Variants in NFATC2IP observed in about 807,000 individuals in gnomAD.
The protein encoded by NFATC2IP is NFATC2-interacting protein.
Under a neutral mutation model 40.2 loss-of-function variants are expected in NFATC2IP, and 25 were observed. That is an observed-to-expected ratio of 0.62 (90% CI 0.45 to 0.87). The LOEUF (loss-of-function observed/expected upper bound fraction) is 0.87, where lower values mean the gene tolerates loss of function less well. NFATC2IP is among the 40% of genes least tolerant of loss of function. NFATC2IP has a pLI of 0.00. For synonymous variants in NFATC2IP, 241 were observed against 236.3 expected (o/e 1.02, Z -0.18); for missense variants, 553 against 555.6 (o/e 1.00, Z 0.05).
At chr16:28,956,389 ATGG>A in intron 5 of NFATC2IP, 52 bp downstream of exon 5, 1 of 1,441,580 alleles carries the variant, frequency 6.9e-7, no homozygotes, top group Non-Finnish European at 9.6e-7. Context: ...TTCTGGAGAG[ATGG>A]TGGTGTCCAG....
Position 28,951,105 on chromosome 16 carries a change from C to T in NFATC2IP, c.94C>T (p.Pro32Ser). 1.3e-6 allele frequency: 2 copies of T among 1,544,004 alleles called. No individual in the cohort carries two copies. Among genetic ancestry groups the T allele is most frequent in the Non-Finnish European group, 1.7e-6 (2 of 1,143,448 alleles). ...CGGCTGGGGCGGTCGGGGCCGGCGT[C>T]CTCGGGCCCAGCGGTCTCCATCCCG... ...RGGWGGRGRR[P>S]RAQRSPSRGT... is the part of the protein sequence containing the mutation. The change falls in exon 1 of 8, where the codon CCT (proline) becomes TCT (serine). Residue 32 changes from proline (P) to serine (S), a missense_variant. By Grantham distance (74) the Pro-to-Ser change is moderately conservative. Coordinates refer to ENST00000320805, the MANE Select transcript of NFATC2IP (RefSeq NM_032815.4).
intron 7 of NFATC2IP, among the ~76,000 whole-genome samples, chr16:28,962,731 G>A (rs954792396): frequency 1.8e-4 from 27 of 152,194 alleles, no homozygotes; most frequent in African/African-American, 6.0e-4. Flanking sequence ...ACATCACGCA[G>A]TCCCTCAGGG....
chr16:28,956,080 G>C, intron 4 of NFATC2IP, 22 bp downstream of exon 4: 1 of 1,613,862 alleles, frequency 6.2e-7, no homozygotes, highest in Non-Finnish European at 8.5e-7. Context: ...AGGGGCTCTG[G>C]CTGGGATGGA....
At chr16:28,963,012 C>G (rs954085050) in intron 7 of NFATC2IP, among the ~76,000 whole-genome samples, 1 of 152,196 alleles carries the variant, frequency 6.6e-6, no homozygotes, top group Non-Finnish European at 1.5e-5. Flanking sequence ...GAGAAACTGT[C>G]TCTACCAAAA....
Position 28,965,242 on chromosome 16 carries a change from T to C in NFATC2IP, c.*1379T>C, listed in dbSNP as rs998705973. On this transcript the variant is annotated 3_prime_UTR_variant, in exon 8 of 8. Coordinates refer to ENST00000320805, the MANE Select transcript of NFATC2IP (RefSeq NM_032815.4). The stretch of plus-strand genomic sequence containing the variant: ...TTTCTCATGGAGTTTCTTATCTTTT[T>C]TGGTTTATTCTCAGGAGTTGCTTGT... 2 of 152,166 alleles carry C rather than the reference T, an allele frequency of 1.3e-5. No homozygotes were observed. Among genetic ancestry groups the C allele is most frequent in the Non-Finnish European group, 2.9e-5 (2 of 68,034 alleles). The allele number at this position is 152,166 out of a possible 1,614,324, so 9.4% of individuals were successfully genotyped here.
At chr16:28,956,407 G>A (rs949875353) in intron 5 of NFATC2IP, 70 bp downstream of exon 5, 7 of 1,224,006 alleles carry the variant, frequency 5.7e-6, no homozygotes, top group South Asian at 1.4e-5. Flanking sequence ...GTCCAGCAGG[G>A]GTGTCCTGGC....
chr16:28,955,842 G>A, intron 3 of NFATC2IP, 136 bp from the exon 4 acceptor site: 2 of 714,578 alleles, frequency 2.8e-6, no homozygotes, highest in Non-Finnish European at 4.8e-6. Flanking sequence ...TCCTGGCTCA[G>A]CCTCCAAAAG....
intron 3 of NFATC2IP, among the ~76,000 whole-genome samples, chr16:28,954,967 C>T (rs900493373): frequency 5.3e-5 from 8 of 152,076 alleles, no homozygotes; most frequent in Admixed American, 5.2e-4. Flanking sequence ...CTGTGCTTCT[C>T]TTTCTTCATC....
intron 7 of NFATC2IP, 101 bp downstream of exon 7, chr16:28,959,201 T>TG: frequency 1.4e-6 from 1 of 732,320 alleles, no homozygotes; most frequent in Non-Finnish European, 2.4e-6. Flanking sequence ...AATCTTGACT[T>TG]GCAGGAGACA....
At chr16:28,959,415 A>T (rs1022282642) in intron 7 of NFATC2IP, among the ~76,000 whole-genome samples, 2 of 152,150 alleles carry the variant, frequency 1.3e-5, no homozygotes, top group African/African-American at 4.8e-5. Context: ...CACACGGCTA[A>T]GTGCTAGTCC....
At position 28,963,988 on chromosome 16, in the gene NFATC2IP, T is replaced by A; in HGVS notation, c.*125T>A. 1.1e-6 allele frequency: 1 copy of A among 899,922 alleles called. No individual in the cohort carries two copies. Among genetic ancestry groups the A allele is most frequent in the Non-Finnish European group, 1.7e-6 (1 of 594,598 alleles). 55.7% of individuals were successfully genotyped at this position (899,922 alleles called of 1,614,324 possible). A position where few individuals can be genotyped will look rare whatever the true frequency, so the allele number is the denominator to read the frequency against. On this transcript the variant is annotated 3_prime_UTR_variant, in exon 8 of 8. Coordinates refer to ENST00000320805, the MANE Select transcript of NFATC2IP (RefSeq NM_032815.4). ...TTTAAGCTGCAGCAAAATCAAGGAGTGACTTTTGTCCCCTCTCCTGTTGAC... is the reference window on the plus strand; with the variant it reads ...TTTAAGCTGCAGCAAAATCAAGGAGAGACTTTTGTCCCCTCTCCTGTTGAC...
In NFATC2IP at chr16:28,959,054, T is replaced by C; in HGVS notation, c.1055T>C (p.Val352Ala). 2.5e-6 allele frequency: 4 copies of C among 1,613,918 alleles called. No individual in the cohort carries two copies. The highest frequency in any genetic ancestry group is 3.4e-6 in the Non-Finnish European group (4 of 1,179,900). The stretch of plus-strand genomic sequence containing the variant: ...ACGTCCCAACAGCTCCAGCTCCGGG[T>C]GCAGGGAAAGGAGAAACACCAGACA... ...TETSQQLQLR[V>A]QGKEKHQTLE... The change falls in exon 7 of 8, where the codon GTG becomes GCG. Residue 352 changes from valine (V) to alanine (A), a missense_variant. By Grantham distance (64) the Val-to-Ala change is moderately conservative. Transcript: ENST00000320805.
chr16:28,961,899 C>CAAAAAAAAA (rs1161300546), intron 7 of NFATC2IP, among the ~76,000 whole-genome samples: 1 of 49,126 alleles, frequency 2.0e-5, no homozygotes, highest in Non-Finnish European at 4.2e-5. Context: ...GACTTCGTCT[C>CAAAAAAAAA]AAAAAAAAAA....
chr16:28,956,675 T>C, intron 5 of NFATC2IP: 1 of 240,338 alleles, frequency 4.2e-6, no homozygotes, highest in Non-Finnish European at 8.1e-6. Context: ...CTCATTGACC[T>C]CCCAAAGTGC....
chr16:28,952,350 C>G (rs1407949415), intron 2 of NFATC2IP, 146 bp downstream of exon 2: 1 of 1,265,974 alleles, frequency 7.9e-7, no homozygotes, highest in Non-Finnish European at 1.1e-6. Context: ...GCCACAGGAG[C>G]TGGATTGTTA....
At chr16:28,962,596 A>T (rs575485333) in intron 7 of NFATC2IP, among the ~76,000 whole-genome samples, 279 of 152,284 alleles carry the variant, frequency 1.8e-3, no homozygotes, top group Non-Finnish European at 3.4e-3. Context: ...ACCATTCCTG[A>T]AGCTCTCTAG....
At chr16:28,961,741 A>G (rs898888424) in intron 7 of NFATC2IP, among the ~76,000 whole-genome samples, 2 of 151,894 alleles carry the variant, frequency 1.3e-5, no homozygotes, top group African/African-American at 4.8e-5. Flanking sequence ...TCTACTAAAA[A>G]TACAAAAAAT....
At position 28,951,041 on chromosome 16, in the gene NFATC2IP, C is replaced by T. The variant is rs780316736; in HGVS notation, c.30C>T (p.Arg10=). The change falls in exon 1 of 8, where the codon CGC becomes CGT. Residue 10 remains arginine (R), a synonymous_variant. Transcript: ENST00000320805. MAEPVGKRG[R]WSGGSGAGRG... is the part of the protein sequence containing the mutation. ...CGGAGCCTGTGGGGAAGCGGGGCCGCTGGTCCGGAGGTAGCGGTGCCGGCC... is the reference window on the plus strand; with the variant it reads ...CGGAGCCTGTGGGGAAGCGGGGCCGTTGGTCCGGAGGTAGCGGTGCCGGCC... The T allele has an allele frequency of 6.5e-7, 1 of 1,528,090 alleles. No homozygotes were observed. The highest frequency in any genetic ancestry group is 8.8e-7 in the Non-Finnish European group (1 of 1,139,174). 94.7% of individuals were successfully genotyped at this position (1,528,090 alleles called of 1,614,324 possible). A position where few individuals can be genotyped will look rare whatever the true frequency, so the allele number is the denominator to read the frequency against.
At chr16:28,954,755 C>G in intron 3 of NFATC2IP, 73 bp downstream of exon 3, 1 of 852,090 alleles carries the variant, frequency 1.2e-6, no homozygotes, top group Non-Finnish European at 1.9e-6. Context: ...GCAGGCAGGA[C>G]TCTTGGGTGA....
Sources: gnomAD v4.1 joint callset for allele counts (sites outside exome capture counted in the v4.1 genomes callset) on GRCh38, gnomAD v4.1.1 for gene constraint, MANE v1.5 for transcripts, NCBI Gene and HGNC (gene_info 2026-07-23, HGNC 2026-07-21) for gene names.